Variants in KCNC2 observed in about 807,000 individuals in gnomAD.
KCNC2 encodes voltage-gated potassium channel KCNC2.
Under a neutral mutation model 44.5 loss-of-function variants are expected in KCNC2, and 21 were observed. The ratio of observed to expected loss-of-function variants is 0.47; its 90% CI spans 0.33 to 0.68. The LOEUF (loss-of-function observed/expected upper bound fraction) is 0.68. Among genes scored for constraint, KCNC2 ranks in the 30% least tolerant of loss-of-function variants. The pLI is 0.01. For missense variants in KCNC2, 589 were observed against 826.2 expected (o/e 0.71, Z 3.52); for synonymous variants, 391 against 339.1 (o/e 1.15, Z -1.68).
intron 2 of KCNC2, among the ~76,000 whole-genome samples, chr12:75,082,761 CTG>C (rs1237236306): frequency 1.3e-5 from 2 of 151,562 alleles, no homozygotes; most frequent in Non-Finnish European, 3.0e-5. Flanking sequence ...AGTTCACAAA[CTG>C]AATGAAAACA....
At chr12:75,144,155 T>A (rs2137422209) in intron 2 of KCNC2, among the ~76,000 whole-genome samples, 1 of 152,358 alleles carries the variant, frequency 6.6e-6, no homozygotes, top group Admixed American at 6.5e-5. Flanking sequence ...TATTGCCTGA[T>A]GAATATTAAC....
chr12:75,134,525 T>C (rs1889091237), intron 2 of KCNC2, among the ~76,000 whole-genome samples: 1 of 151,746 alleles, frequency 6.6e-6, no homozygotes, highest in Non-Finnish European at 1.5e-5. Flanking sequence ...TGATTAAGTG[T>C]GTAAGTTCAG....
chr12:75,163,975 T>C (rs560613371), intron 2 of KCNC2, among the ~76,000 whole-genome samples: 1 of 151,648 alleles, frequency 6.6e-6, no homozygotes, highest in South Asian at 2.1e-4. Context: ...TCCTACACAC[T>C]CCTTTTTTGG....
Position 75,143,118 on chromosome 12 carries a change from T to G in KCNC2, c.687+64179A>C, listed in dbSNP as rs572707409. Among the ~76,000 whole-genome samples the G allele has an allele frequency of 5.9e-5, 9 of 152,222 alleles. No individual in the cohort carries two copies. In the East Asian group the frequency reaches 1.4e-3, roughly 23 times the overall value. ...AAATGATGATGTTAGTGAAAGAATA[T>G]CATCCTGGAAGTTAGGAAATTCGAG... On this transcript the variant is annotated intron_variant, in intron 2 of 4. Coordinates refer to ENST00000549446, the MANE Select transcript of KCNC2 (RefSeq NM_139137.4).
intron 2 of KCNC2, among the ~76,000 whole-genome samples, chr12:75,072,636 TA>T (rs933778184): frequency 4.6e-5 from 7 of 150,732 alleles, no homozygotes; most frequent in South Asian, 2.1e-4. Flanking sequence ...AAGTCCCATA[TA>T]AAAAAAAAGG....
At chr12:75,054,362 T>C (rs549486626) in intron 2 of KCNC2, among the ~76,000 whole-genome samples, 1 of 151,924 alleles carries the variant, frequency 6.6e-6, no homozygotes, top group African/African-American at 2.4e-5. Flanking sequence ...TGCTTGACAA[T>C]AACATAATAG....
At chr12:75,152,838 A>G (rs919347703) in intron 2 of KCNC2, among the ~76,000 whole-genome samples, 1 of 152,040 alleles carries the variant, frequency 6.6e-6, no homozygotes, top group Non-Finnish European at 1.5e-5. Flanking sequence ...TGGAAGCCTC[A>G]AGTAAGGTAT....
rs1164765558 is a variant in KCNC2 at position 75,207,576 on chromosome 12, C to T, written c.408G>A (p.Glu136=). The T allele has an allele frequency of 1.2e-6, 2 of 1,612,186 alleles. No homozygotes were observed. Among genetic ancestry groups the T allele is most frequent in the African/African-American group, 1.3e-5 (1 of 74,992 alleles). ...CGTCGATGCCCCAGAAGGCCAGCTCCTCCTCGAAGAGCGGCCCGCACACGT... is the reference window on the plus strand; with the variant it reads ...CGTCGATGCCCCAGAAGGCCAGCTCTTCCTCGAAGAGCGGCCCGCACACGT... ...PADVCGPLFE[E]ELAFWGIDET... The change falls in exon 2 of 5, where the codon GAG becomes GAA. Residue 136 remains glutamate (E), a synonymous_variant. Coordinates refer to ENST00000549446, the MANE Select transcript of KCNC2 (RefSeq NM_139137.4). This position sits in a 1 kb window ranked among gnomAD's most constrained non-coding sequence, Gnocchi z 4.1.
intron 2 of KCNC2, among the ~76,000 whole-genome samples, chr12:75,086,084 T>C (rs1293372010): frequency 1.3e-5 from 2 of 152,106 alleles, no homozygotes; most frequent in Non-Finnish European, 2.9e-5. Flanking sequence ...TACTATAGTA[T>C]GCTCTATTCA....
intron 2 of KCNC2, among the ~76,000 whole-genome samples, chr12:75,141,172 C>A (rs1436180520): frequency 1.3e-5 from 2 of 152,122 alleles, no homozygotes; most frequent in South Asian, 2.1e-4. Context: ...TTGCAGTTTT[C>A]TAACCTGTCC....
chr12:75,067,186 A>G (rs1231476935), intron 2 of KCNC2, among the ~76,000 whole-genome samples: 4 of 152,172 alleles, frequency 2.6e-5, no homozygotes, highest in Non-Finnish European at 5.9e-5. Flanking sequence ...TGGGTGACAG[A>G]GGAAACCCTG....
At position 75,185,119 on chromosome 12, in the gene KCNC2, G is replaced by A. The variant is rs533067863; in HGVS notation, c.687+22178C>T. Among the ~76,000 whole-genome samples the A allele has an allele frequency of 7.6e-4, 116 of 152,220 alleles. 1 individual carries two copies. The highest frequency in any genetic ancestry group is 1.2e-3 in the Non-Finnish European group (84 of 68,004). ...TATTTTCTCATAGAAGAAAGTAAAAGCAAGAGTTTAAAAAGAACTTAACTT... is the reference window on the plus strand; with the variant it reads ...TATTTTCTCATAGAAGAAAGTAAAAACAAGAGTTTAAAAAGAACTTAACTT... On this transcript the variant is annotated intron_variant, in intron 2 of 4. Coordinates refer to ENST00000549446, the MANE Select transcript of KCNC2 (RefSeq NM_139137.4).
At chr12:75,065,490 C>A (rs1882741142) in intron 2 of KCNC2, among the ~76,000 whole-genome samples, 1 of 152,026 alleles carries the variant, frequency 6.6e-6, no homozygotes, top group Non-Finnish European at 1.5e-5. Context: ...ATATTTCAGT[C>A]AATAATGGAT....
At chr12:75,155,860 T>A (rs956547364) in intron 2 of KCNC2, among the ~76,000 whole-genome samples, 1 of 151,738 alleles carries the variant, frequency 6.6e-6, no homozygotes, top group Non-Finnish European at 1.5e-5. Context: ...GGCTTCAAAA[T>A]GGGTATTATT....
chr12:75,132,513 GA>G (rs1888925733), intron 2 of KCNC2, among the ~76,000 whole-genome samples: 1 of 151,940 alleles, frequency 6.6e-6, no homozygotes, highest in Admixed American at 6.6e-5. Flanking sequence ...AAAACTATTG[GA>G]ACAAAACAAA....
intron 2 of KCNC2, among the ~76,000 whole-genome samples, chr12:75,114,628 G>A (rs1404019321): frequency 1.3e-5 from 2 of 152,058 alleles, no homozygotes; most frequent in Non-Finnish European, 2.9e-5. Context: ...ACCCAAAGAA[G>A]TAGCAGTTGA....
chr12:75,207,413 C>A lies in KCNC2; in HGVS notation c.571G>T (p.Gly191Cys). 1.2e-6 allele frequency: 2 copies of A among 1,602,164 alleles called. No individual in the cohort carries two copies. Among genetic ancestry groups the A allele is most frequent in the Non-Finnish European group, 8.5e-7 (1 of 1,174,646 alleles). ...DDEDLAAKRLGIEDAAGLGGP... is the reference protein window; with the variant it reads ...DDEDLAAKRLCIEDAAGLGGP... ...CCGAGCCCCGCCGCGTCCTCGATGC[C>A]CAGCCTCTTGGCCGCCAGGTCCTCG... is the stretch of plus-strand genomic sequence containing the variant. Residue 191 changes from glycine (G) to cysteine (C), a missense_variant, in exon 2 of 5, where the codon GGC becomes TGC. Gly to Cys is a radical substitution (Grantham distance 159, BLOSUM62 -3). Around this residue, in one of 7 missense-constraint regions of KCNC2, gnomAD observed 97 missense variants for 73.3 expected, o/e 1.32. Coordinates refer to ENST00000549446, the MANE Select transcript of KCNC2 (RefSeq NM_139137.4). The surrounding 1 kb of genome is among the most constrained non-coding windows in gnomAD (Gnocchi z 4.1).
intron 2 of KCNC2, among the ~76,000 whole-genome samples, chr12:75,065,407 T>G (rs1325988815): frequency 6.6e-6 from 1 of 152,116 alleles, no homozygotes; most frequent in Non-Finnish European, 1.5e-5. Flanking sequence ...TTAATAAACA[T>G]GATTTTTAAC....
intron 2 of KCNC2, among the ~76,000 whole-genome samples, chr12:75,193,935 A>G (rs2030533185): frequency 6.6e-6 from 1 of 152,204 alleles, no homozygotes; most frequent in Non-Finnish European, 1.5e-5. Context: ...TAGAGGGACT[A>G]GAGTTAATGC....
Sources: allele counts gnomAD v4.1 joint callset (sites outside exome capture counted in the v4.1 genomes callset), GRCh38; gene constraint gnomAD v4.1.1; regional missense constraint gnomAD v4.1.1; non-coding constraint Gnocchi (gnomAD v3.1); transcripts MANE v1.5; gene names NCBI Gene and HGNC (gene_info 2026-07-23, HGNC 2026-07-21).